The following HPSE2 variants were observed in gnomAD, a reference collection of about 807,000 sequenced individuals.
HPSE2 encodes the protein inactive heparanase-2.
A neutral mutation model predicts 60.5 loss-of-function variants in HPSE2; 38 were observed. The ratio of observed to expected loss-of-function variants is 0.63; its 90% CI spans 0.48 to 0.82. HPSE2 has a LOEUF of 0.82. Among genes scored for constraint, HPSE2 ranks in the 40% least tolerant of loss-of-function variants. The pLI, the probability that HPSE2 is intolerant of heterozygous loss-of-function variation, is 0.00. For synonymous variants in HPSE2, 295 were observed against 293.2 expected (o/e 1.01, Z -0.06); for missense variants, 713 against 740.4 (o/e 0.96, Z 0.43).
intron 9 of HPSE2, among the ~76,000 whole-genome samples, chr10:98,494,875 C>T (rs1941778047): frequency 6.6e-6 from 1 of 152,062 alleles, no homozygotes; most frequent in African/African-American, 2.4e-5. Context: ...TTAAAACATG[C>T]AGAAAAAAAG....
At chr10:98,508,041 A>T (rs1397583476) in intron 9 of HPSE2, among the ~76,000 whole-genome samples, 1 of 152,194 alleles carries the variant, frequency 6.6e-6, no homozygotes, top group Non-Finnish European at 1.5e-5. Flanking sequence ...TTAAGAAGGA[A>T]GGCAAATACA....
intron 9 of HPSE2, among the ~76,000 whole-genome samples, chr10:98,512,998 A>T (rs754406134): frequency 6.6e-6 from 1 of 152,126 alleles, no homozygotes; most frequent in Non-Finnish European, 1.5e-5. Flanking sequence ...CACTTGATTC[A>T]ATTTGTATTT....
At chr10:98,826,699 C>T (rs1215570196) in intron 3 of HPSE2, among the ~76,000 whole-genome samples, 1 of 152,142 alleles carries the variant, frequency 6.6e-6, no homozygotes, top group Non-Finnish European at 1.5e-5. Context: ...AAATGAGGCC[C>T]CTAGGCTTCA....
At chr10:98,718,033 A>C (rs1026598349) in intron 5 of HPSE2, among the ~76,000 whole-genome samples, 1 of 152,104 alleles carries the variant, frequency 6.6e-6, no homozygotes, top group African/African-American at 2.4e-5. Flanking sequence ...GACAAGAAAA[A>C]CCATAATGAA....
At chr10:99,161,395 G>A (rs934419722) in intron 2 of HPSE2, among the ~76,000 whole-genome samples, 1 of 152,056 alleles carries the variant, frequency 6.6e-6, no homozygotes, top group African/African-American at 2.4e-5. Flanking sequence ...ATAAATTCTA[G>A]ACCTGGATAA....
chr10:99,198,395 TAATC>T (rs1848471011), intron 2 of HPSE2, among the ~76,000 whole-genome samples: 1 of 152,244 alleles, frequency 6.6e-6, no homozygotes, highest in Admixed American at 6.5e-5. Flanking sequence ...ACTCTCCTCA[TAATC>T]AATACATCTT....
At chr10:98,819,276 A>G (rs1951364624) in intron 3 of HPSE2, among the ~76,000 whole-genome samples, 1 of 152,112 alleles carries the variant, frequency 6.6e-6, no homozygotes, top group Non-Finnish European at 1.5e-5. Context: ...CACTGGGGCA[A>G]TCCTCTGTAT....
chr10:98,733,852 G>T (rs770972221), intron 4 of HPSE2, among the ~76,000 whole-genome samples: 3 of 152,126 alleles, frequency 2.0e-5, no homozygotes, highest in Non-Finnish European at 4.4e-5. Context: ...TTTTTAAATA[G>T]CTTCATTGAG....
chr10:98,702,064 T>C (rs527626198), intron 5 of HPSE2, among the ~76,000 whole-genome samples: 17 of 152,050 alleles, frequency 1.1e-4, no homozygotes, highest in Non-Finnish European at 2.4e-4. Context: ...AGGAGGCCCA[T>C]CTCATGTGCA....
chr10:98,611,084 C>T (rs1332801151), intron 9 of HPSE2, among the ~76,000 whole-genome samples: 1 of 150,836 alleles, frequency 6.6e-6, no homozygotes, highest in African/African-American at 2.5e-5. Context: ...CCCCATTTTC[C>T]CAGTGTTGGG....
chr10:98,583,528 C>T (rs1192188618), intron 9 of HPSE2, among the ~76,000 whole-genome samples: 1 of 152,192 alleles, frequency 6.6e-6, no homozygotes, highest in Non-Finnish European at 1.5e-5. Context: ...TCAGAACTTG[C>T]CTGCTCCTGC....
intron 3 of HPSE2, among the ~76,000 whole-genome samples, chr10:98,795,308 C>T (rs1020817692): frequency 6.6e-6 from 1 of 152,172 alleles, no homozygotes; most frequent in African/African-American, 2.4e-5. Context: ...TCACCAACAC[C>T]AACCCTCCCA....
chr10:99,259,887 T>C, the HPSE2 span, among the ~76,000 whole-genome samples: 1 of 152,202 alleles, frequency 6.6e-6, no homozygotes, highest in Non-Finnish European at 1.5e-5. Flanking sequence ...ATCTAGGCTG[T>C]GTACTCCTTA....
At chr10:98,562,933 A>G (rs1463414076) in intron 9 of HPSE2, among the ~76,000 whole-genome samples, 1 of 152,084 alleles carries the variant, frequency 6.6e-6, no homozygotes, top group Non-Finnish European at 1.5e-5. Context: ...ATCTTCCTTG[A>G]GCCAGGTGTC....
At chr10:98,548,712 T>C (rs1262859855) in intron 9 of HPSE2, among the ~76,000 whole-genome samples, 2 of 152,162 alleles carry the variant, frequency 1.3e-5, no homozygotes, top group African/African-American at 4.8e-5. Context: ...ACAGTAGGAA[T>C]TGCGCAGGAG....
the HPSE2 span, among the ~76,000 whole-genome samples, chr10:99,313,663 A>C: frequency 8.3e-6 from 1 of 120,300 alleles, no homozygotes; most frequent in African/African-American, 3.3e-5. Flanking sequence ...ACAGTGGTGC[A>C]ATCTCAGCTC....
chr10:99,211,535 C>T (rs1355951277), intron 2 of HPSE2, among the ~76,000 whole-genome samples: 1 of 152,042 alleles, frequency 6.6e-6, no homozygotes, highest in Non-Finnish European at 1.5e-5. Context: ...TGGAACAGAA[C>T]CGAGACGCCA....
intron 4 of HPSE2, among the ~76,000 whole-genome samples, chr10:98,726,938 C>G (rs752547954): frequency 2.6e-5 from 4 of 152,166 alleles, no homozygotes; most frequent in Non-Finnish European, 5.9e-5. Flanking sequence ...GTTTCCCAAC[C>G]AACACAGAGA....
chr10:99,280,472 C>T, the HPSE2 span, among the ~76,000 whole-genome samples: 2 of 152,148 alleles, frequency 1.3e-5, no homozygotes, highest in African/African-American at 4.8e-5. Context: ...CATATGCATT[C>T]CCAAATATCA....
Sources: allele counts gnomAD v4.1 joint callset (sites outside exome capture counted in the v4.1 genomes callset), GRCh38; gene constraint gnomAD v4.1.1; transcripts MANE v1.5; gene names NCBI Gene and HGNC (gene_info 2026-07-23, HGNC 2026-07-21).